The following WASF3 variants were observed in gnomAD, a reference collection of about 807,000 sequenced individuals.
WASF3 encodes the protein actin-binding protein WASF3.
WASF3 carries 11 observed loss-of-function variants against 46.6 expected under a neutral mutation model. The observed-to-expected ratio is 0.24, with a 90% CI of 0.15 to 0.39. WASF3 has a LOEUF of 0.39. Among genes scored for constraint, WASF3 ranks in the 10% least tolerant of loss-of-function variants. The pLI, the probability that WASF3 is intolerant of heterozygous loss-of-function variation, is 1.00. For synonymous variants in WASF3, 242 were observed against 259.7 expected, an observed-to-expected ratio of 0.93 and a Z score of 0.65; for missense variants, 576 against 669.8, an observed-to-expected ratio of 0.86 and a Z score of 1.55.
chr13:26,615,096 C>T (rs1593149343), intron 2 of WASF3, among the ~76,000 whole-genome samples: 1 of 151,764 alleles, frequency 6.6e-6, no homozygotes, highest in South Asian at 2.1e-4. Context: ...TTTTAAGTAC[C>T]GTTTTGGAGC....
At chr13:26,572,793 TC>T (rs2137155967) in intron 1 of WASF3, among the ~76,000 whole-genome samples, 1 of 152,286 alleles carries the variant, frequency 6.6e-6, no homozygotes, top group South Asian at 2.1e-4. Context: ...CTTCAAGTGA[TC>T]CGCCTGCCTC....
At position 26,682,618 on chromosome 13, in the gene WASF3, C is replaced by A. The variant is rs746475574; in HGVS notation, c.995C>A (p.Ala332Glu). 1.2e-6 allele frequency: 2 copies of A among 1,614,150 alleles called. No individual in the cohort carries two copies. The highest frequency in any genetic ancestry group is 1.7e-6 in the Non-Finnish European group (2 of 1,180,034). ...CATATCTCTCTCAGGATGCTCCCAG[C>A]GCAGATAATTGAGTATTACAACCCA... ...MAPADYGMLP[A>E]QIIEYYNPSG... The change falls in exon 9 of 10, where the codon GCG (alanine) becomes GAG (glutamate). Residue 332 changes from alanine to glutamate, a missense_variant. By Grantham distance (107) the Ala-to-Glu change is moderately radical. Coordinates refer to ENST00000335327, the MANE Select transcript of WASF3 (RefSeq NM_006646.6). The surrounding 1 kb of genome is among the most constrained non-coding windows in gnomAD (Gnocchi z 4.4).
intron 7 of WASF3, among the ~76,000 whole-genome samples, chr13:26,678,082 C>T (rs535159422): frequency 2.0e-5 from 3 of 151,832 alleles, no homozygotes; most frequent in South Asian, 2.1e-4. Flanking sequence ...TGCTTACATA[C>T]ATCTGCGTTT....
chr13:26,548,790 C>T, the WASF3 span, among the ~76,000 whole-genome samples: 1 of 152,100 alleles, frequency 6.6e-6, no homozygotes, highest in Non-Finnish European at 1.5e-5. Flanking sequence ...CATTTCCAGC[C>T]CTGCAGTGCC....
chr13:26,594,801 A>G (rs1880411541), intron 1 of WASF3, among the ~76,000 whole-genome samples: 1 of 117,594 alleles, frequency 8.5e-6, no homozygotes, highest in East Asian at 2.7e-4. Flanking sequence ...CTTCTTGGGT[A>G]TCTTGACCTT....
intron 6 of WASF3, among the ~76,000 whole-genome samples, chr13:26,674,549 T>C (rs1484571696): frequency 6.6e-6 from 1 of 152,254 alleles, no homozygotes; most frequent in Non-Finnish European, 1.5e-5. Context: ...CATAAATATT[T>C]GCATAAACAT....
chr13:26,544,271 T>C, the WASF3 span, among the ~76,000 whole-genome samples: 4 of 152,366 alleles, frequency 2.6e-5, no homozygotes, highest in East Asian at 7.7e-4. Context: ...GAATCATCAT[T>C]GTTTTTTACT....
chr13:26,662,315 G>A (rs2137458988), intron 3 of WASF3, among the ~76,000 whole-genome samples: 1 of 152,278 alleles, frequency 6.6e-6, no homozygotes, highest in South Asian at 2.1e-4. Context: ...TAGACCCAAA[G>A]GAAAATGGAT....
At chr13:26,560,924 C>A (rs943695250) in intron 1 of WASF3, among the ~76,000 whole-genome samples, 1 of 152,068 alleles carries the variant, frequency 6.6e-6, no homozygotes, top group African/African-American at 2.4e-5. Flanking sequence ...AGCTTAGGGA[C>A]GTTCAGAGAG....
At chr13:26,644,106 A>G (rs913098236) in intron 3 of WASF3, among the ~76,000 whole-genome samples, 3 of 152,192 alleles carry the variant, frequency 2.0e-5, no homozygotes, top group African/African-American at 7.2e-5. Context: ...GTGATGTGGG[A>G]AGGACCCAAC....
At chr13:26,653,328 T>A (rs767405828) in intron 3 of WASF3, among the ~76,000 whole-genome samples, 2 of 152,158 alleles carry the variant, frequency 1.3e-5, no homozygotes, top group Non-Finnish European at 2.9e-5. Flanking sequence ...TGAGTAAATT[T>A]CAGATCATCC....
chr13:26,555,637 G>A (rs997536206), upstream of WASF3, among the ~76,000 whole-genome samples: 1 of 152,270 alleles, frequency 6.6e-6, no homozygotes, highest in Non-Finnish European at 1.5e-5. Flanking sequence ...ATGCTTACAA[G>A]GGAAGCAGGC....
At chr13:26,578,359 G>A (rs527891532) in intron 1 of WASF3, among the ~76,000 whole-genome samples, 50 of 152,216 alleles carry the variant, frequency 3.3e-4, no homozygotes, top group Middle Eastern at 3.4e-3. Flanking sequence ...TGCTACCTTA[G>A]CATTCATTTT....
At chr13:26,571,362 G>C (rs1879628135) in intron 1 of WASF3, among the ~76,000 whole-genome samples, 1 of 152,094 alleles carries the variant, frequency 6.6e-6, no homozygotes, top group South Asian at 2.1e-4. Flanking sequence ...TCTAGTACTT[G>C]AGTAGTTTTC....
At chr13:26,670,577 C>T (rs1882902195) in intron 5 of WASF3, among the ~76,000 whole-genome samples, 1 of 152,176 alleles carries the variant, frequency 6.6e-6, no homozygotes, top group African/African-American at 2.4e-5. Flanking sequence ...CATGAAGGTA[C>T]TGGCTCCATT....
intron 1 of WASF3, among the ~76,000 whole-genome samples, chr13:26,597,909 A>G (rs1340235645): frequency 6.6e-6 from 1 of 152,204 alleles, no homozygotes; most frequent in African/African-American, 2.4e-5. Context: ...TATTGTGAAT[A>G]GTGCCGCAAT....
chr13:26,654,899 C>CT (rs1566064521), intron 3 of WASF3, among the ~76,000 whole-genome samples: 1 of 152,054 alleles, frequency 6.6e-6, no homozygotes. Flanking sequence ...GAGGAAAAAA[C>CT]TTTAAGCCCA....
rs78164122 is a variant in WASF3 at position 26,685,839 on chromosome 13, C to T, written c.1503C>T (p.Ser501=). ...DDSEFDENDW[S]D ...CAGAGTTCGACGAGAACGACTGGTCCGACTGAGCAAAGGCCGGCGGAGAGG... is the reference window on the plus strand; with the variant it reads ...CAGAGTTCGACGAGAACGACTGGTCTGACTGAGCAAAGGCCGGCGGAGAGG... The change falls in exon 10 of 10, where the codon TCC becomes TCT. Residue 501 remains serine, a synonymous_variant. Transcript: ENST00000335327. 9,910 of 1,612,528 alleles carry T rather than the reference C, an allele frequency of 6.1e-3. 54 individuals carry two copies. Among genetic ancestry groups the T allele is most frequent in the African/African-American group, 0.021 (1,588 of 74,984 alleles).
intron 2 of WASF3, chr13:26,640,766 T>C (rs887984918): frequency 6.6e-6 from 1 of 152,220 alleles, no homozygotes; most frequent in African/African-American, 2.4e-5. Context: ...GAGAAGGCTT[T>C]TCTGAAGTGT....
Sources: gnomAD v4.1 joint callset for allele counts (sites outside exome capture counted in the v4.1 genomes callset) on GRCh38, gnomAD v4.1.1 for gene constraint, Gnocchi (gnomAD v3.1) non-coding constraint, MANE v1.5 for transcripts, NCBI Gene and HGNC (gene_info 2026-07-23, HGNC 2026-07-21) for gene names.